The following AGMO variants were observed in gnomAD, a reference collection of about 807,000 sequenced individuals.
The protein encoded by AGMO is glyceryl-ether monooxygenase.
In AGMO, 75 loss-of-function variants were observed where a neutral mutation model predicts 60.2. The ratio of observed to expected loss-of-function variants is 1.25; its 90% CI spans 1.03 to 1.51. AGMO has a LOEUF of 1.51. AGMO is among the 40% of genes most tolerant of loss of function. The pLI, the probability that AGMO is intolerant of heterozygous loss-of-function variation, is 0.00. For synonymous variants in AGMO, 261 were observed against 177.1 expected (o/e 1.47, Z -3.76); for missense variants, 763 against 525.5 (o/e 1.45, Z -4.42).
the AGMO span, among the ~76,000 whole-genome samples, chr7:15,187,402 T>C: frequency 6.6e-6 from 1 of 152,226 alleles, no homozygotes; most frequent in Non-Finnish European, 1.5e-5. Flanking sequence ...TTTCCTCCAT[T>C]GCCTCTCCAG....
chr7:15,467,641 A>G (rs1782329873), intron 3 of AGMO, among the ~76,000 whole-genome samples: 1 of 152,186 alleles, frequency 6.6e-6, no homozygotes, highest in South Asian at 2.1e-4. Context: ...TCTTCCAGAC[A>G]AATAGAAAAT....
intron 12 of AGMO, among the ~76,000 whole-genome samples, chr7:15,339,581 G>C (rs1781769166): frequency 6.6e-6 from 1 of 152,094 alleles, no homozygotes; most frequent in Non-Finnish European, 1.5e-5. Context: ...TTGAAAAATA[G>C]GGCTTGCTGC....
Position 15,212,283 on chromosome 7 carries a change from CACACAA to C in AGMO, c.1264-10930_1264-10925del, listed in dbSNP as rs1013482921. 4.2e-5 allele frequency among the ~76,000 whole-genome samples: 6 copies of C among 142,070 alleles called. No individual in the cohort carries two copies. The East Asian group carries it at 1.2e-3, about 28-fold the overall frequency. 93.2% of individuals were successfully genotyped at this position (142,070 alleles called of 152,430 possible). A position where few individuals can be genotyped will look rare whatever the true frequency, so the allele number is the denominator to read the frequency against. ...ACACACACACACACACACACACACA[CACACAA>C]ATAGCATGGGACCTACTTCAAAGGT... On this transcript the variant is annotated intron_variant, in intron 12 of 12. Transcript: ENST00000342526.
chr7:15,454,658 A>C (rs1308527294), intron 3 of AGMO, among the ~76,000 whole-genome samples: 3 of 152,056 alleles, frequency 2.0e-5, no homozygotes, highest in African/African-American at 7.2e-5. Flanking sequence ...TATTATCCTC[A>C]AACATTTTCA....
At chr7:15,310,330 C>G (rs1378931752) in intron 12 of AGMO, among the ~76,000 whole-genome samples, 3 of 152,036 alleles carry the variant, frequency 2.0e-5, no homozygotes, top group South Asian at 4.1e-4. Context: ...TCATTCTTAG[C>G]TGCATGACTC....
At chr7:15,321,223 C>G (rs370372373) in intron 12 of AGMO, among the ~76,000 whole-genome samples, 4 of 152,100 alleles carry the variant, frequency 2.6e-5, no homozygotes, top group African/African-American at 9.7e-5. Context: ...CATTCATACA[C>G]TTTTCTGCTA....
chr7:15,526,934 GTCTC>G (rs1201251697), intron 3 of AGMO, among the ~76,000 whole-genome samples: 2 of 152,134 alleles, frequency 1.3e-5, no homozygotes, highest in East Asian at 3.9e-4. Flanking sequence ...TGTTTTAGGG[GTCTC>G]TCTATGTTGC....
intron 3 of AGMO, among the ~76,000 whole-genome samples, chr7:15,451,358 C>A (rs7781293): frequency 0.63 from 95,148 of 152,012 alleles, 30,377 homozygotes; most frequent in Non-Finnish European, 0.69. Flanking sequence ...TGGGTAATTA[C>A]ATACAGTAGT....
chr7:15,485,332 AAGAAAAAT>A (rs2128519048), intron 3 of AGMO, among the ~76,000 whole-genome samples: 1 of 152,182 alleles, frequency 6.6e-6, no homozygotes, highest in South Asian at 2.1e-4. Context: ...AAAAGAAAAA[AAGAAAAAT>A]GAAAAATGAG....
intron 12 of AGMO, among the ~76,000 whole-genome samples, chr7:15,249,221 A>G (rs1782857475): frequency 6.6e-6 from 1 of 152,184 alleles, no homozygotes; most frequent in Admixed American, 6.5e-5. Flanking sequence ...ATTGGAAGGT[A>G]TATCTGACTT....
chr7:15,211,309 CAA>C (rs373763829), intron 12 of AGMO, among the ~76,000 whole-genome samples: 1 of 151,804 alleles, frequency 6.6e-6, no homozygotes, highest in Non-Finnish European at 1.5e-5. Context: ...AAAGTGAAAA[CAA>C]AGTGACAGAT....
At chr7:15,268,310 A>T (rs1315186162) in intron 12 of AGMO, among the ~76,000 whole-genome samples, 1 of 151,972 alleles carries the variant, frequency 6.6e-6, no homozygotes, top group Non-Finnish European at 1.5e-5. Flanking sequence ...ACCTCTCAAG[A>T]TCATTTATTT....
At chr7:15,389,385 GGTTTT>G (rs1332896565) in intron 8 of AGMO, among the ~76,000 whole-genome samples, 2 of 152,042 alleles carry the variant, frequency 1.3e-5, no homozygotes, top group Non-Finnish European at 2.9e-5. Flanking sequence ...TTTCTCAATT[GGTTTT>G]ATTTACACAA....
At chr7:15,117,543 G>C in the AGMO span, among the ~76,000 whole-genome samples, 20 of 151,968 alleles carry the variant, frequency 1.3e-4, 1 homozygote, top group African/African-American at 4.1e-4. Context: ...GGAGGGGAGT[G>C]AGGGTTGAAA....
intron 12 of AGMO, among the ~76,000 whole-genome samples, chr7:15,317,429 T>C (rs560259972): frequency 1.3e-5 from 2 of 152,246 alleles, no homozygotes; most frequent in African/African-American, 2.4e-5. Context: ...TAAATCATGA[T>C]AGAGTAATCC....
intron 3 of AGMO, among the ~76,000 whole-genome samples, chr7:15,543,994 G>A (rs1276747750): frequency 6.6e-6 from 1 of 151,734 alleles, no homozygotes; most frequent in Non-Finnish European, 1.5e-5. Flanking sequence ...GAAATGAGCA[G>A]ATAAAGAAAA....
chr7:15,239,376 C>T (rs532181469), intron 12 of AGMO, among the ~76,000 whole-genome samples: 1 of 152,136 alleles, frequency 6.6e-6, no homozygotes, highest in South Asian at 2.1e-4. Context: ...TTGGGAAGTT[C>T]CTGTTATGAA....
chr7:15,502,749 C>T (rs1445797989), intron 3 of AGMO, among the ~76,000 whole-genome samples: 6 of 151,944 alleles, frequency 3.9e-5, no homozygotes, highest in South Asian at 4.1e-4. Flanking sequence ...AATCAGGTAA[C>T]GTATTGAATG....
chr7:15,322,722 A>AT (rs1491292863), intron 12 of AGMO, among the ~76,000 whole-genome samples: 1 of 40,336 alleles, frequency 2.5e-5, no homozygotes, highest in African/African-American at 1.5e-4. Flanking sequence ...ATAAATATAT[A>AT]AATATATATA....
Sources: gnomAD v4.1 joint callset for allele counts (sites outside exome capture counted in the v4.1 genomes callset) on GRCh38, gnomAD v4.1.1 for gene constraint, MANE v1.5 for transcripts, NCBI Gene and HGNC (gene_info 2026-07-23, HGNC 2026-07-21) for gene names.